Variants in SPATC1L observed in about 807,000 individuals in gnomAD.
The protein encoded by SPATC1L is spermatogenesis and centriole associated 1 like, also known as speriolin-like protein.
Under a neutral mutation model 21.2 loss-of-function variants are expected in SPATC1L, and 20 were observed. That is an observed-to-expected ratio of 0.94 (90% confidence interval 0.66 to 1.37). The LOEUF is 1.37. SPATC1L is among the 40% of genes most tolerant of loss of function. The pLI is 0.00. For missense variants in SPATC1L, 499 were observed against 478.7 expected, an observed-to-expected ratio of 1.04 and a Z score of -0.40; for synonymous variants, 290 against 234.5, an observed-to-expected ratio of 1.24 and a Z score of -2.16.
chr21:46,174,344 CA>C (rs200980627), intron 2 of SPATC1L, among the ~76,000 whole-genome samples: 20,721 of 68,478 alleles, frequency 0.3, 1,894 homozygotes, highest in Non-Finnish European at 0.34. Context: ...AAAAACAAAA[CA>C]AAAAAAAAAA....
chr21:46,180,290 T>G (rs2079662763), intron 2 of SPATC1L, among the ~76,000 whole-genome samples: 1 of 152,034 alleles, frequency 6.6e-6, no homozygotes, highest in Admixed American at 6.6e-5. Flanking sequence ...AACAGCACAA[T>G]CCCGTGTAGG....
At chr21:46,181,115 G>A (rs1315396863) in intron 2 of SPATC1L, among the ~76,000 whole-genome samples, 2 of 152,202 alleles carry the variant, frequency 1.3e-5, no homozygotes, top group African/African-American at 2.4e-5. Context: ...AACGCAGCCC[G>A]GGGCACGCAG....
At chr21:46,163,276 G>A (rs370227058) in intron 3 of SPATC1L, among the ~76,000 whole-genome samples, 12 of 152,116 alleles carry the variant, frequency 7.9e-5, no homozygotes, top group East Asian at 7.7e-4. Flanking sequence ...CCCATTCTCC[G>A]GGTTGGCTTT....
At position 46,161,555 on chromosome 21, in the gene SPATC1L, C is replaced by A; in HGVS notation, c.847G>T (p.Gly283Ter). 1.2e-6 allele frequency: 2 copies of A among 1,610,724 alleles called. No individual in the cohort carries two copies. The highest frequency in any genetic ancestry group is 8.5e-7 in the Non-Finnish European group (1 of 1,179,080). Residue 283 changes from glycine (G) to a stop codon, truncating the protein, a stop_gained, in exon 5 of 5, where the codon GGA (glycine) becomes TGA (stop). Coordinates refer to ENST00000291672, the MANE Select transcript of SPATC1L (RefSeq NM_001142854.2). LOFTEE classifies it high-confidence loss of function. ...AFSEFLINTY[G>*]ILKQRPDLRA... ...AGGTCGGGCCGCTGCTTCAGGATTC[C>A]GTAGGTGTTGATGAGGAACTCGCTG...
chr21:46,183,495 C>CTGCAGGGGAGACCAGCT lies in SPATC1L; in HGVS notation c.-696_-680dup, dbSNP rs879871636. On this transcript the variant is annotated 5_prime_UTR_variant, in exon 2 of 5. Transcript: ENST00000291672. Reference sequence around the variant, plus strand: ...AGACCAGCCTGGGGAGGAGACCAGCCTGCAGGGGAGACCAGCTTGCGGGGG... The same window carrying CTGCAGGGGAGACCAGCT: ...AGACCAGCCTGGGGAGGAGACCAGCCTGCAGGGGAGACCAGCTTGCAGGGGAGACCAGCTTGCGGGGG... 1 of 155,796 alleles carries CTGCAGGGGAGACCAGCT rather than the reference C, an allele frequency of 6.4e-6. No homozygotes were observed. Among genetic ancestry groups the CTGCAGGGGAGACCAGCT allele is most frequent in the Admixed American group, 7.0e-5 (1 of 14,370 alleles). 9.7% of individuals were successfully genotyped at this position (155,796 alleles called of 1,614,324 possible). A position where few individuals can be genotyped will look rare whatever the true frequency, so the allele number is the denominator to read the frequency against.
At position 46,182,818 on chromosome 21, in the gene SPATC1L, G is replaced by T. The variant is rs1484129230; in HGVS notation, c.-2C>A. 1 of 1,530,544 alleles carries T rather than the reference G, an allele frequency of 6.5e-7. No homozygotes were observed. Among genetic ancestry groups the T allele is most frequent in the Admixed American group, 2.0e-5 (1 of 49,938 alleles). 94.8% of individuals were successfully genotyped at this position (1,530,544 alleles called of 1,614,324 possible). On this transcript the variant is annotated 5_prime_UTR_variant, in exon 2 of 5. Coordinates refer to ENST00000291672, the MANE Select transcript of SPATC1L (RefSeq NM_001142854.2). ...CATCAGCTCGCCGCCTTCAGCCATG[G>T]CGGGTGCGTCCCTCCTTGTCCCTCA...
At position 46,179,040 on chromosome 21, in the gene SPATC1L, A is replaced by G. The variant is rs1601392733; in HGVS notation, c.193+3584T>C. On this transcript the variant is annotated intron_variant, in intron 2 of 4. Coordinates refer to ENST00000291672, the MANE Select transcript of SPATC1L (RefSeq NM_001142854.2). ...AATTGCTTGAGCCCAGGAGTTTGGG[A>G]CTGGCCTGGGCAACATAGGGAGACC... Among the ~76,000 whole-genome samples, 3 of 151,678 alleles carry G rather than the reference A, an allele frequency of 2.0e-5. No individual in the cohort carries two copies. In the South Asian group the frequency reaches 6.2e-4, roughly 31 times the overall value.
intron 3 of SPATC1L, among the ~76,000 whole-genome samples, chr21:46,166,912 T>C (rs1263940805): frequency 2.0e-5 from 3 of 152,192 alleles, no homozygotes; most frequent in Non-Finnish European, 4.4e-5. Flanking sequence ...ATCTATACTA[T>C]AGACCAAATG....
At chr21:46,163,567 GA>G (rs1262669878) in intron 3 of SPATC1L, among the ~76,000 whole-genome samples, 2 of 152,180 alleles carry the variant, frequency 1.3e-5, no homozygotes, top group African/African-American at 4.8e-5. Flanking sequence ...TTGGCATGTG[GA>G]TACCTCTTTG....
Position 46,179,830 on chromosome 21 carries a change from G to A in SPATC1L, c.193+2794C>T, listed in dbSNP as rs200366002. Among the ~76,000 whole-genome samples, 14 of 152,362 alleles carry A rather than the reference G, an allele frequency of 9.2e-5. No individual in the cohort carries two copies. The East Asian group carries it at 2.3e-3, about 25-fold the overall frequency. On this transcript the variant is annotated intron_variant, in intron 2 of 4. Coordinates refer to ENST00000291672, the MANE Select transcript of SPATC1L (RefSeq NM_001142854.2). Reference sequence around the variant, plus strand: ...ACGAGATGGGGCAGCTGGGAGGGGAGGCAGAGGACTGCTGCTCCCACTGGC... The same window carrying A: ...ACGAGATGGGGCAGCTGGGAGGGGAAGCAGAGGACTGCTGCTCCCACTGGC...
rs769382978 is a variant in SPATC1L, at chr21:46,162,052, G to C, written c.560C>G (p.Ala187Gly). ...CACGCGCGCGTCCTTCTCGGCGCCC[G>C]CGAAGCTCTGGATCTCTGGGGGAGG... is the stretch of plus-strand genomic sequence containing the variant. ...SYYLNEIQSF[A>G]GAEKDARVVG... is the part of the protein sequence containing the mutation. Residue 187 changes from alanine to glycine, a missense_variant, in exon 4 of 5, where the codon GCG becomes GGG. Physicochemically the swap from Ala to Gly is moderately conservative, Grantham distance 60 (BLOSUM62 0). Coordinates refer to ENST00000291672, the MANE Select transcript of SPATC1L (RefSeq NM_001142854.2). 1 of 1,578,808 alleles carries C rather than the reference G, an allele frequency of 6.3e-7. No individual in the cohort carries two copies. The highest frequency in any genetic ancestry group is 8.6e-7 in the Non-Finnish European group (1 of 1,165,068).
rs548022105 is a variant in SPATC1L at position 46,168,722 on chromosome 21, T to G, written c.194-64A>C. 2.5e-6 allele frequency: 3 copies of G among 1,184,852 alleles called. No homozygotes were observed. In the South Asian group the frequency reaches 8.4e-5, roughly 33 times the overall value. 73.4% of individuals were successfully genotyped at this position (1,184,852 alleles called of 1,614,324 possible). On this transcript the variant is annotated intron_variant, in intron 2 of 4. Coordinates refer to ENST00000291672, the MANE Select transcript of SPATC1L (RefSeq NM_001142854.2). Reference sequence around the variant, plus strand: ...GCTCCTAAAACATTCCTGGGAAGTATAAAGAACATGTTAACAACCCCTATG... The same window carrying G: ...GCTCCTAAAACATTCCTGGGAAGTAGAAAGAACATGTTAACAACCCCTATG...
chr21:46,171,302 C>T (rs58201958), intron 2 of SPATC1L, among the ~76,000 whole-genome samples: 16,350 of 152,112 alleles, frequency 0.11, 1,206 homozygotes, highest in African/African-American at 0.2. Flanking sequence ...AAAGCAAATA[C>T]ATATTAGAGA....
In SPATC1L at chr21:46,182,633, CG is replaced by C; in HGVS notation, c.183del (p.Ser63AlafsTer75). 6.6e-7 allele frequency: 1 copy of C among 1,513,600 alleles called. No individual in the cohort carries two copies. 93.8% of individuals were successfully genotyped at this position (1,513,600 alleles called of 1,614,324 possible). On this transcript the variant is annotated frameshift_variant, in exon 2 of 5. Transcript: ENST00000291672. LOFTEE classifies it high-confidence loss of function. ...RAHAYPEAGS[P>X]GSGVPDFGRF... ...CTGGGCGGCGCCTCACCTCCGCTCC[CG>C]GGGGAGCCGGCCTCAGGGTAGGCAT...
intron 2 of SPATC1L, among the ~76,000 whole-genome samples, chr21:46,174,278 G>A (rs1326618525): frequency 6.7e-6 from 1 of 148,892 alleles, no homozygotes; most frequent in Non-Finnish European, 1.5e-5. Flanking sequence ...GCAGTGAGCC[G>A]AGATTGTGCT....
At position 46,184,053 on chromosome 21, in the gene SPATC1L, G is replaced by T. The variant is rs555521799; in HGVS notation, c.-958-279C>A. 2.0e-5 allele frequency among the ~76,000 whole-genome samples: 3 copies of T among 151,478 alleles called. No homozygotes were observed. The East Asian group carries it at 5.9e-4, about 30-fold the overall frequency. ...CCCACATGCTTTGGAGCACTGGGTGGCCCTGAGGGCTGGGCTGGAGGCCAC... is the reference window on the plus strand; with the variant it reads ...CCCACATGCTTTGGAGCACTGGGTGTCCCTGAGGGCTGGGCTGGAGGCCAC... On this transcript the variant is annotated intron_variant, in intron 1 of 4. Coordinates refer to ENST00000291672, the MANE Select transcript of SPATC1L (RefSeq NM_001142854.2).
intron 2 of SPATC1L, among the ~76,000 whole-genome samples, chr21:46,180,351 G>C (rs2079663243): frequency 6.6e-6 from 1 of 152,234 alleles, no homozygotes; most frequent in Non-Finnish European, 1.5e-5. Flanking sequence ...TAAAGTTCCA[G>C]AGAAAACCCA....
chr21:46,165,584 C>CCCTTAGCCTCTCCTATAGAAACCT lies in SPATC1L; in HGVS notation c.544+2723_544+2724insAGGTTTCTATAGGAGAGGCTAAGG, dbSNP rs574529783. Among the ~76,000 whole-genome samples, 1,457 of 150,470 alleles carry CCCTTAGCCTCTCCTATAGAAACCT rather than the reference C, an allele frequency of 9.7e-3. 14 individuals carry two copies. Among genetic ancestry groups the CCCTTAGCCTCTCCTATAGAAACCT allele is most frequent in the Non-Finnish European group, 0.015 (1,029 of 67,770 alleles). On this transcript the variant is annotated intron_variant, in intron 3 of 4. Coordinates refer to ENST00000291672, the MANE Select transcript of SPATC1L (RefSeq NM_001142854.2). ...GATATGAGTATGAGTCCTTTCCCTC[C>CCCTTAGCCTCTCCTATAGAAACCT]TCTTAGCCTCTCCTATAGAAACCTT...
intron 3 of SPATC1L, among the ~76,000 whole-genome samples, chr21:46,164,794 G>GAAAAAAAAAAAAAA (rs72042671): frequency 3.5e-5 from 3 of 86,468 alleles, no homozygotes; most frequent in Non-Finnish European, 7.4e-5. Context: ...TCCATCTCAA[G>GAAAAAAAAAAAAAA]AAAAAAAAAA....
Sources: gnomAD v4.1 joint callset for allele counts (sites outside exome capture counted in the v4.1 genomes callset) on GRCh38, gnomAD v4.1.1 for gene constraint, MANE v1.5 for transcripts, NCBI Gene and HGNC (gene_info 2026-07-23, HGNC 2026-07-21) for gene names.